Variants in FOCAD observed in about 807,000 individuals in gnomAD.
The protein encoded by FOCAD is focadhesin, also known as KIAA1797.
A neutral mutation model predicts 225.6 loss-of-function variants in FOCAD; 198 were observed. The observed-to-expected ratio is 0.88, with a 90% CI of 0.78 to 0.99. The LOEUF is 0.99. FOCAD is among the 50% of genes least tolerant of loss of function. FOCAD has a pLI of 0.00. For synonymous variants in FOCAD, 897 were observed against 755.0 expected (o/e 1.19, Z -3.08); for missense variants, 2,713 against 2,123.6 (o/e 1.28, Z -5.46).
chr9:20,731,382 G>A (rs528648701), intron 4 of FOCAD, among the ~76,000 whole-genome samples: 3 of 152,280 alleles, frequency 2.0e-5, no homozygotes, highest in African/African-American at 4.8e-5. Context: ...TTTGCTAAAT[G>A]TGTGATCCCT....
intron 15 of FOCAD, among the ~76,000 whole-genome samples, chr9:20,828,168 A>G (rs10119870): frequency 0.038 from 5,780 of 151,992 alleles, 217 homozygotes; most frequent in African/African-American, 0.096. Context: ...AAAAAAAAAA[A>G]AGAGAGAAAA....
At chr9:20,669,431 C>T (rs1334243479) in intron 2 of FOCAD, among the ~76,000 whole-genome samples, 1 of 152,140 alleles carries the variant, frequency 6.6e-6, no homozygotes. Flanking sequence ...AGAAACTTAT[C>T]CTCGTCAAGA....
chr9:20,940,045 G>T (rs1327965828), intron 28 of FOCAD, among the ~76,000 whole-genome samples: 1 of 152,040 alleles, frequency 6.6e-6, no homozygotes, highest in Non-Finnish European at 1.5e-5. Flanking sequence ...CTGAGAACAT[G>T]CTGCGTTTGG....
chr9:20,774,859 T>C (rs114312892), intron 8 of FOCAD, among the ~76,000 whole-genome samples: 1,997 of 152,308 alleles, frequency 0.013, 53 homozygotes, highest in African/African-American at 0.045. Context: ...TAACAATTAG[T>C]AGAACTGTTG....
chr9:20,886,690 G>T (rs2060861864), intron 21 of FOCAD, among the ~76,000 whole-genome samples: 1 of 152,120 alleles, frequency 6.6e-6, no homozygotes. Flanking sequence ...CAATTAGAAG[G>T]CGTATTGGAC....
chr9:20,719,172 C>T (rs879632459), intron 3 of FOCAD, among the ~76,000 whole-genome samples: 1 of 152,146 alleles, frequency 6.6e-6, no homozygotes, highest in Admixed American at 6.5e-5. Flanking sequence ...ACTTCTGCCT[C>T]CTGGGTTCAA....
chr9:20,655,787 TC>T (rs1257475600), upstream of FOCAD, among the ~76,000 whole-genome samples: 1 of 152,172 alleles, frequency 6.6e-6, no homozygotes, highest in Non-Finnish European at 1.5e-5. Context: ...TCAGTTCTGC[TC>T]TGATTTTAGT....
chr9:20,753,917 C>G (rs1052395738), intron 5 of FOCAD, among the ~76,000 whole-genome samples: 3 of 151,990 alleles, frequency 2.0e-5, no homozygotes, highest in Non-Finnish European at 2.9e-5. Context: ...CCCATCTATC[C>G]TTTTGAATAA....
At chr9:20,732,257 T>C (rs925169962) in intron 4 of FOCAD, among the ~76,000 whole-genome samples, 4 of 152,196 alleles carry the variant, frequency 2.6e-5, no homozygotes, top group African/African-American at 7.2e-5. Flanking sequence ...GTATACTGTG[T>C]TGGGAATGCC....
At chr9:20,975,646 A>G (rs1840164716) in intron 35 of FOCAD, among the ~76,000 whole-genome samples, 2 of 152,248 alleles carry the variant, frequency 1.3e-5, no homozygotes, top group East Asian at 3.8e-4. Context: ...TAAAAAGACA[A>G]GAGTGTGCAG....
chr9:20,884,981 C>G (rs1361902139), intron 20 of FOCAD, 128 bp from the exon 21 acceptor site: 1 of 344,632 alleles, frequency 2.9e-6, no homozygotes, highest in Admixed American at 5.7e-5. Flanking sequence ...ATCCCTTGAA[C>G]CCAGGCGGCG....
At chr9:20,943,112 G>A (rs533192561) in intron 28 of FOCAD, among the ~76,000 whole-genome samples, 4 of 152,130 alleles carry the variant, frequency 2.6e-5, no homozygotes, top group Non-Finnish European at 5.9e-5. Flanking sequence ...AATAGCAAAG[G>A]CTTTACATTC....
chr9:20,708,658 C>T (rs1375151102), intron 1 of FOCAD, among the ~76,000 whole-genome samples: 3 of 151,924 alleles, frequency 2.0e-5, no homozygotes, highest in Non-Finnish European at 4.4e-5. Flanking sequence ...GCCTGTAGTC[C>T]CAGCTACTTG....
intron 11 of FOCAD, among the ~76,000 whole-genome samples, chr9:20,798,697 C>T (rs1290387667): frequency 1.3e-5 from 2 of 151,672 alleles, no homozygotes; most frequent in Non-Finnish European, 2.9e-5. Flanking sequence ...GGTGATATCC[C>T]CTTTATCATT....
rs1825883256 is a variant in FOCAD, at chr9:20,722,695, A to G, written c.287+2161A>G. On this transcript the variant is annotated intron_variant, in intron 4 of 43. Transcript: ENST00000338382. The stretch of plus-strand genomic sequence containing the variant: ...AAATTTTAGAATAATTCTATTGTAT[A>G]CCAATTAAAAAAGTAGTTTTGAGGA... Among the ~76,000 whole-genome samples, 4 of 152,218 alleles carry G rather than the reference A, an allele frequency of 2.6e-5. No individual in the cohort carries two copies. In the South Asian group the frequency reaches 6.2e-4, roughly 24 times the overall value.
At position 20,995,561 on chromosome 9, in the gene FOCAD, C is replaced by G. The variant is rs1490434932; in HGVS notation, c.5338C>G (p.Leu1780Val). The G allele has an allele frequency of 2.5e-6, 4 of 1,612,464 alleles. No individual in the cohort carries two copies. The highest frequency in any genetic ancestry group is 3.4e-6 in the Non-Finnish European group (4 of 1,178,642). ...AQSRDLLKAT[L>V]LSLRVLPEFK... is the part of the protein sequence containing the mutation. ...CCTATATTTTGTCCCCTTAGCCACC[C>G]TGCTGTCCTTGAGAGTTCTCCCAGA... Residue 1780 changes from leucine (L) to valine (V), a missense_variant, in exon 44 of 44, where the codon CTG becomes GTG. By Grantham distance (32) the Leu-to-Val change is conservative. Coordinates refer to ENST00000338382, the MANE Select transcript of FOCAD (RefSeq NM_001375567.1).
chr9:20,904,029 G>A (rs1424753182), intron 21 of FOCAD, among the ~76,000 whole-genome samples: 1 of 151,846 alleles, frequency 6.6e-6, no homozygotes, highest in Non-Finnish European at 1.5e-5. Flanking sequence ...GACCATTTGT[G>A]CCTGACTTCT....
At chr9:20,753,549 G>A (rs942116400) in intron 5 of FOCAD, among the ~76,000 whole-genome samples, 5 of 151,782 alleles carry the variant, frequency 3.3e-5, no homozygotes, top group Non-Finnish European at 5.9e-5. Context: ...ATGTGCTGCT[G>A]GATTCGGTTT....
rs1188254401 is a variant in FOCAD at position 20,819,943 on chromosome 9, T to C, written c.1560+43T>C. On this transcript the variant is annotated intron_variant, in intron 12 of 43. Transcript: ENST00000338382. Reference sequence around the variant, plus strand: ...TTTAGTTGGCGAAAAAAGTGAGTCATGAATAATACTTTGAATTCTTTTTGG... The same window carrying C: ...TTTAGTTGGCGAAAAAAGTGAGTCACGAATAATACTTTGAATTCTTTTTGG... 5 of 1,159,820 alleles carry C rather than the reference T, an allele frequency of 4.3e-6. No homozygotes were observed. In the South Asian group the frequency reaches 7.7e-5, roughly 18 times the overall value. 71.8% of individuals were successfully genotyped at this position (1,159,820 alleles called of 1,614,324 possible).
Sources: allele counts gnomAD v4.1 joint callset (sites outside exome capture counted in the v4.1 genomes callset), GRCh38; gene constraint gnomAD v4.1.1; transcripts MANE v1.5; gene names NCBI Gene and HGNC (gene_info 2026-07-23, HGNC 2026-07-21).